The following ATP2C1 variants were observed in gnomAD, a reference collection of about 807,000 sequenced individuals.
The protein encoded by ATP2C1 is ATPase secretory pathway Ca2+ transporting 1.
Under a neutral mutation model 120.5 loss-of-function variants are expected in ATP2C1, and 31 were observed. That is an observed-to-expected ratio of 0.26 (90% CI 0.19 to 0.35). The LOEUF is 0.35. ATP2C1 is among the 10% of genes least tolerant of loss of function. The pLI, the probability that ATP2C1 is intolerant of heterozygous loss-of-function variation, is 1.00. For missense variants in ATP2C1, 731 were observed against 1,107.5 expected, an observed-to-expected ratio of 0.66 and a Z score of 4.83; for synonymous variants, 351 against 358.7, an observed-to-expected ratio of 0.98 and a Z score of 0.24.
intron 1 of ATP2C1, among the ~76,000 whole-genome samples, chr3:130,878,173 G>T (rs889620123): frequency 3.3e-5 from 5 of 150,642 alleles, no homozygotes; most frequent in Admixed American, 1.3e-4. Flanking sequence ...AGCATTAGGA[G>T]ATATACTTAA....
At chr3:131,015,911 T>A (rs902703477) in intron 26 of ATP2C1, 12 of 642,920 alleles carry the variant, frequency 1.9e-5, no homozygotes, top group East Asian at 3.2e-5. Context: ...ACTGATTTTT[T>A]AAAATTGGAT....
intron 2 of ATP2C1, among the ~76,000 whole-genome samples, chr3:130,922,601 CT>C (rs1230614872): frequency 2.0e-5 from 3 of 152,140 alleles, no homozygotes; most frequent in Non-Finnish European, 4.4e-5. Flanking sequence ...ATGCTGTGAC[CT>C]TTCCTCTTAG....
chr3:130,859,109 A>G (rs892788605), intron 1 of ATP2C1, among the ~76,000 whole-genome samples: 2 of 152,232 alleles, frequency 1.3e-5, no homozygotes, highest in African/African-American at 2.4e-5. Flanking sequence ...ATATTCTAGT[A>G]TAATAGGCAA....
chr3:130,863,023 A>C (rs972714936), intron 1 of ATP2C1, among the ~76,000 whole-genome samples: 2 of 152,204 alleles, frequency 1.3e-5, no homozygotes, highest in African/African-American at 4.8e-5. Flanking sequence ...GGGTTCTGCA[A>C]GTGAGGGACC....
At chr3:131,003,236 G>C, downstream of ATP2C1, 1 of 802,908 alleles carries the variant, frequency 1.2e-6, no homozygotes, top group Non-Finnish European at 1.5e-6. Context: ...TATGGATGCT[G>C]GAGAATGCAT....
chr3:130,936,281 A>T (rs1342523702), intron 5 of ATP2C1, among the ~76,000 whole-genome samples: 1 of 152,196 alleles, frequency 6.6e-6, no homozygotes, highest in Non-Finnish European at 1.5e-5. Flanking sequence ...GAAGATTTGA[A>T]TAACCAAGTG....
In ATP2C1 at chr3:130,992,613, G is replaced by T. The variant is rs143244792; in HGVS notation, c.1840-338G>T. Among the ~76,000 whole-genome samples, 445 of 152,256 alleles carry T rather than the reference G, an allele frequency of 2.9e-3. 2 individuals are homozygous for T. The highest frequency in any genetic ancestry group is 4.9e-3 in the Non-Finnish European group (330 of 68,014). The stretch of plus-strand genomic sequence containing the variant: ...GGAAAAGGCTATTTTAGTTGTATGC[G>T]AGTGTCATAGGAAACAGACGCAAGA... On this transcript the variant is annotated intron_variant, in intron 20 of 27. Coordinates refer to ENST00000510168, the MANE Select transcript of ATP2C1 (RefSeq NM_001378687.1).
intron 2 of ATP2C1, among the ~76,000 whole-genome samples, chr3:130,913,806 A>T (rs934853425): frequency 6.6e-6 from 1 of 152,196 alleles, no homozygotes; most frequent in African/African-American, 2.4e-5. Context: ...ATATTGTACA[A>T]TAGTTAAGAA....
In ATP2C1 at chr3:130,963,937, C is replaced by T. The variant is rs1479486705; in HGVS notation, c.900-34C>T. On this transcript the variant is annotated intron_variant, in intron 12 of 27. Transcript: ENST00000510168. ...AATTTTGCTGTGAGTGCTGTTTAACCTACATTTTAATACTTTGTATATGTT... is the reference window on the plus strand; with the variant it reads ...AATTTTGCTGTGAGTGCTGTTTAACTTACATTTTAATACTTTGTATATGTT... The T allele has an allele frequency of 2.5e-6, 4 of 1,611,162 alleles. No homozygotes were observed. The African/African-American group carries it at 5.4e-5, about 22-fold the overall frequency.
At chr3:130,896,139 T>C (rs2069609160) in intron 2 of ATP2C1, among the ~76,000 whole-genome samples, 1 of 152,248 alleles carries the variant, frequency 6.6e-6, no homozygotes, top group Admixed American at 6.5e-5. Flanking sequence ...ACTTCTAACA[T>C]TTAATGTATG....
At chr3:130,953,338 AATAATG>A (rs889449714) in intron 8 of ATP2C1, among the ~76,000 whole-genome samples, 3 of 152,176 alleles carry the variant, frequency 2.0e-5, no homozygotes, top group African/African-American at 7.2e-5. Context: ...CATGTATAAC[AATAATG>A]ATTTTATGAA....
rs143727777 is a variant in ATP2C1, at chr3:130,861,781, A to G, written c.108+10853A>G. On this transcript the variant is annotated intron_variant, in intron 1 of 26. Transcript: ENST00000504381. ...CGAAGTGAATACTTATTTAGAATGG[A>G]AGAAGAAATCACAACAAATTACAAA... 7.4e-4 allele frequency among the ~76,000 whole-genome samples: 113 copies of G among 152,326 alleles called. 3 individuals are homozygous for G. The East Asian group carries it at 0.02, about 27-fold the overall frequency.
chr3:130,989,566 A>G (rs1206622270), intron 20 of ATP2C1, among the ~76,000 whole-genome samples: 17 of 3,290 alleles, frequency 5.2e-3, no homozygotes, highest in African/African-American at 0.012. Flanking sequence ...ACTCCATCTC[A>G]AAAAAAAAAA....
rs2069389796 is a variant in ATP2C1 at position 130,894,418 on chromosome 3, G to C, written c.-181+81G>C. ...GAAGGGGAGGTTCGGGTATCCCCTG[G>C]ATGGGGGGGCATCTCTAGGGCGCCG... On this transcript the variant is annotated intron_variant, in intron 1 of 27. Transcript: ENST00000510168. The surrounding 1 kb of genome is among the most constrained non-coding windows in gnomAD (Gnocchi z 4.5). The C allele has an allele frequency of 8.0e-7, 1 of 1,252,954 alleles. No homozygotes were observed. Among genetic ancestry groups the C allele is most frequent in the African/African-American group, 1.5e-5 (1 of 65,462 alleles). The allele number at this position is 1,252,954 out of a possible 1,614,324, so 77.6% of individuals were successfully genotyped here.
Position 130,941,565 on chromosome 3 carries a change from A to G in ATP2C1, c.423-26A>G, listed in dbSNP as rs552836703. The stretch of plus-strand genomic sequence containing the variant: ...TTGCATGAATTTTTTTTTTTTAACC[A>G]TGGTTGTTTCTATTTCGTGTTACAG... On this transcript the variant is annotated intron_variant, in intron 7 of 27. Transcript: ENST00000510168. The G allele has an allele frequency of 1.7e-5, 27 of 1,580,760 alleles. No homozygotes were observed. In the South Asian group the frequency reaches 2.8e-4, roughly 16 times the overall value.
At chr3:130,902,297 G>GTTTTTTTTTTTTTTT (rs398052267) in intron 2 of ATP2C1, among the ~76,000 whole-genome samples, 12 of 13,254 alleles carry the variant, frequency 9.1e-4, no homozygotes, top group Admixed American at 2.9e-3. Context: ...TTTTTTTTTT[G>GTTTTTTTTTTTTTTT]TTTTTTTTTT....
At chr3:130,994,248 T>A in intron 22 of ATP2C1, 150 bp downstream of exon 22, 2 of 921,838 alleles carry the variant, frequency 2.2e-6, no homozygotes, top group Non-Finnish European at 3.3e-6. Flanking sequence ...TATTTTATGG[T>A]ATGAAGAAGA....
At chr3:131,000,693 T>C (rs999462470) in intron 27 of ATP2C1, among the ~76,000 whole-genome samples, 3 of 152,250 alleles carry the variant, frequency 2.0e-5, no homozygotes, top group African/African-American at 7.2e-5. Flanking sequence ...TTCTGGCTGC[T>C]GCCTTTCCTA....
At chr3:130,922,054 T>C (rs2058994197) in intron 2 of ATP2C1, among the ~76,000 whole-genome samples, 2 of 152,216 alleles carry the variant, frequency 1.3e-5, no homozygotes, top group African/African-American at 4.8e-5. Context: ...TCTTTGAATG[T>C]CTGAAATAAT....
Sources: allele counts gnomAD v4.1 joint callset (sites outside exome capture counted in the v4.1 genomes callset), GRCh38; gene constraint gnomAD v4.1.1; non-coding constraint Gnocchi (gnomAD v3.1); transcripts MANE v1.5; gene names NCBI Gene and HGNC (gene_info 2026-07-23, HGNC 2026-07-21).